The following DTWD2 variants were observed in gnomAD, a reference collection of about 807,000 sequenced individuals.
DTWD2 encodes the protein tRNA-uridine aminocarboxypropyltransferase 2.
In DTWD2, 39 loss-of-function variants were observed where a neutral mutation model predicts 31.8. The ratio of observed to expected loss-of-function variants is 1.22; its 90% CI spans 0.95 to 1.60. The LOEUF (loss-of-function observed/expected upper bound fraction) is 1.60. DTWD2 is among the 40% of genes most tolerant of loss of function. DTWD2 has a pLI of 0.00. For missense variants in DTWD2, 515 were observed against 381.5 expected (o/e 1.35, Z -2.92); for synonymous variants, 180 against 142.8 (o/e 1.26, Z -1.86).
chr5:118,927,267 G>A (rs892599460), intron 4 of DTWD2, among the ~76,000 whole-genome samples: 1 of 147,246 alleles, frequency 6.8e-6, no homozygotes. Flanking sequence ...GGTCGGGGGA[G>A]GGACAGGGAA....
At chr5:118,863,291 G>GT (rs1289104378) in intron 4 of DTWD2, among the ~76,000 whole-genome samples, 1 of 152,188 alleles carries the variant, frequency 6.6e-6, no homozygotes, top group Non-Finnish European at 1.5e-5. Context: ...AATGCATACT[G>GT]TAAATCAAGT....
At chr5:118,950,662 G>A (rs144579644) in intron 1 of DTWD2, among the ~76,000 whole-genome samples, 1,893 of 152,338 alleles carry the variant, frequency 0.012, 37 homozygotes, top group African/African-American at 0.043. Context: ...CAGATTTCCA[G>A]CACTTGAAGC....
At chr5:118,844,817 T>G (rs936943684) in intron 5 of DTWD2, among the ~76,000 whole-genome samples, 2 of 152,188 alleles carry the variant, frequency 1.3e-5, no homozygotes, top group Admixed American at 6.5e-5. Context: ...ACCCTGCCTC[T>G]ATAGAATGAA....
intron 1 of DTWD2, among the ~76,000 whole-genome samples, chr5:118,963,941 G>A (rs1314513155): frequency 3.9e-5 from 6 of 152,176 alleles, no homozygotes; most frequent in Non-Finnish European, 8.8e-5. Context: ...CAGGTGCAGT[G>A]CTTCACACCT....
chr5:118,850,243 C>G (rs985962974), intron 4 of DTWD2, among the ~76,000 whole-genome samples: 1 of 145,596 alleles, frequency 6.9e-6, no homozygotes, highest in Non-Finnish European at 1.5e-5. Flanking sequence ...GCTGGCAGAT[C>G]ACTTGAGGCC....
At chr5:118,953,958 T>C (rs757052382) in intron 1 of DTWD2, among the ~76,000 whole-genome samples, 14 of 152,190 alleles carry the variant, frequency 9.2e-5, no homozygotes, top group Non-Finnish European at 2.9e-5. Flanking sequence ...ACCAGGTCTT[T>C]GCTCCAATGC....
At chr5:118,976,306 A>T (rs546212346) in intron 1 of DTWD2, among the ~76,000 whole-genome samples, 54 of 152,310 alleles carry the variant, frequency 3.5e-4, no homozygotes, top group African/African-American at 1.3e-3. Context: ...ACAAATTCAA[A>T]AGCTAGCAAC....
At chr5:118,925,565 GC>G (rs1314185135) in intron 4 of DTWD2, among the ~76,000 whole-genome samples, 1 of 152,176 alleles carries the variant, frequency 6.6e-6, no homozygotes, top group Non-Finnish European at 1.5e-5. Flanking sequence ...CTAAAAGTAG[GC>G]CAGGCACGGT....
At chr5:118,925,862 A>G (rs1753797706) in intron 4 of DTWD2, among the ~76,000 whole-genome samples, 1 of 151,994 alleles carries the variant, frequency 6.6e-6, no homozygotes, top group South Asian at 2.1e-4. Flanking sequence ...AAAAGAACTA[A>G]AAGTAGATCT....
In DTWD2 at chr5:118,838,469, T is replaced by G. The variant is rs1470173688; in HGVS notation, c.*2448A>C. On this transcript the variant is annotated 3_prime_UTR_variant, in exon 6 of 6. Transcript: ENST00000510708. ...AAAAAAGTAATTTTTAAAAGCCTGA[T>G]TAATTTTTCAATTAAAATACTCAGA... The G allele has an allele frequency of 6.6e-6, 1 of 152,192 alleles. No individual in the cohort carries two copies. Among genetic ancestry groups the G allele is most frequent in the African/African-American group, 2.4e-5 (1 of 41,440 alleles). 9.4% of individuals were successfully genotyped at this position (152,192 alleles called of 1,614,324 possible).
At chr5:118,935,915 A>T (rs1046444336) in intron 3 of DTWD2, among the ~76,000 whole-genome samples, 11 of 152,222 alleles carry the variant, frequency 7.2e-5, no homozygotes, top group African/African-American at 2.4e-4. Flanking sequence ...TTTGTGTAAC[A>T]CTACATCTGA....
At chr5:118,901,379 G>C (rs1043458571) in intron 4 of DTWD2, among the ~76,000 whole-genome samples, 2 of 152,060 alleles carry the variant, frequency 1.3e-5, no homozygotes. Context: ...AATCAAATTT[G>C]AGAAAAACCA....
At chr5:118,914,157 T>C (rs913211709) in intron 4 of DTWD2, among the ~76,000 whole-genome samples, 3 of 152,208 alleles carry the variant, frequency 2.0e-5, no homozygotes, top group Admixed American at 6.5e-5. Context: ...AATTCATGTG[T>C]TGGAAACTTA....
Position 118,884,960 on chromosome 5 carries a change from C to A in DTWD2, c.598-36742G>T, listed in dbSNP as rs1011472719. The stretch of plus-strand genomic sequence containing the variant: ...GCAGTGAGCCGAGACTACGCCACTG[C>A]ACTCCAGTCTGGGGGACAGAGTGAG... On this transcript the variant is annotated intron_variant, in intron 4 of 5. Transcript: ENST00000510708. Among the ~76,000 whole-genome samples, 3 of 138,222 alleles carry A rather than the reference C, an allele frequency of 2.2e-5. No homozygotes were observed. The East Asian group carries it at 6.4e-4, about 29-fold the overall frequency. 90.7% of individuals were successfully genotyped at this position (138,222 alleles called of 152,430 possible). A position where few individuals can be genotyped will look rare whatever the true frequency, so the allele number is the denominator to read the frequency against.
intron 1 of DTWD2, among the ~76,000 whole-genome samples, chr5:118,957,654 T>C (rs920559259): frequency 3.9e-5 from 6 of 152,288 alleles, no homozygotes; most frequent in South Asian, 4.1e-4. Flanking sequence ...CACAAAGGAA[T>C]AGATTCAGAA....
chr5:118,856,991 G>T (rs2149542538), intron 4 of DTWD2, among the ~76,000 whole-genome samples: 1 of 151,698 alleles, frequency 6.6e-6, no homozygotes, highest in Non-Finnish European at 1.5e-5. Context: ...TGGCCAGGCT[G>T]GTCTCGAACA....
At position 118,837,569 on chromosome 5, in the gene DTWD2, C is replaced by T. The variant is rs983198184; in HGVS notation, c.*3348G>A. The T allele has an allele frequency of 2.6e-5, 4 of 152,120 alleles. No homozygotes were observed. Among genetic ancestry groups the T allele is most frequent in the African/African-American group, 9.7e-5 (4 of 41,408 alleles). The allele number at this position is 152,120 out of a possible 1,614,324, so 9.4% of individuals were successfully genotyped here. A position where few individuals can be genotyped will look rare whatever the true frequency, so the allele number is the denominator to read the frequency against. On this transcript the variant is annotated 3_prime_UTR_variant, in exon 6 of 6. Coordinates refer to ENST00000510708, the MANE Select transcript of DTWD2 (RefSeq NM_173666.4). ...AAAGGATTTTCTAATAACATGATCA[C>T]ATTTTTAAACCTATTTAGGGCAACA... is the stretch of plus-strand genomic sequence containing the variant.
Position 118,839,495 on chromosome 5 carries a change from C to A in DTWD2, c.*1422G>T, listed in dbSNP as rs756924506. On this transcript the variant is annotated 3_prime_UTR_variant, in exon 6 of 6. Transcript: ENST00000510708. ...TTAGCCTCCCAAGTAGCTAGGACTACAAGTGCACACCACCACATCTGGCTA... is the reference window on the plus strand; with the variant it reads ...TTAGCCTCCCAAGTAGCTAGGACTAAAAGTGCACACCACCACATCTGGCTA... 1 of 151,916 alleles carries A rather than the reference C, an allele frequency of 6.6e-6. No individual in the cohort carries two copies. The highest frequency in any genetic ancestry group is 2.4e-5 in the African/African-American group (1 of 41,338). The allele number at this position is 151,916 out of a possible 1,614,324, so 9.4% of individuals were successfully genotyped here.
At chr5:118,847,500 T>C (rs1300251767) in intron 5 of DTWD2, among the ~76,000 whole-genome samples, 1 of 152,188 alleles carries the variant, frequency 6.6e-6, no homozygotes, top group African/African-American at 2.4e-5. Flanking sequence ...GTAAGCACAC[T>C]GAAACATTAT....
Sources: allele counts gnomAD v4.1 joint callset (sites outside exome capture counted in the v4.1 genomes callset), GRCh38; gene constraint gnomAD v4.1.1; transcripts MANE v1.5; gene names NCBI Gene and HGNC (gene_info 2026-07-23, HGNC 2026-07-21).